Variants in SLC26A5 observed in about 807,000 individuals in gnomAD.
SLC26A5 encodes the protein prestin.
SLC26A5 carries 51 observed loss-of-function variants against 81.0 expected under a neutral mutation model. That is an observed-to-expected ratio of 0.63 (90% CI 0.50 to 0.80). The LOEUF is 0.80. Ranked by LOEUF, SLC26A5 falls within the 30% of genes least tolerant of loss-of-function variation. The pLI is 0.00. For missense variants in SLC26A5, 771 were observed against 905.8 expected (o/e 0.85, Z 1.91); for synonymous variants, 325 against 332.8 (o/e 0.98, Z 0.25).
intron 14 of SLC26A5, among the ~76,000 whole-genome samples, chr7:103,383,079 AT>A (rs1386726194): frequency 1.3e-5 from 2 of 152,236 alleles, no homozygotes; most frequent in Non-Finnish European, 2.9e-5. Context: ...CTCCAGGAAC[AT>A]CACTTCTGCC....
intron 4 of SLC26A5, among the ~76,000 whole-genome samples, chr7:103,417,894 A>G (rs7778385): frequency 0.33 from 49,529 of 151,938 alleles, 9,796 homozygotes; most frequent in African/African-American, 0.55. Context: ...GACTACAGGC[A>G]TGTGCCACTA....
At chr7:103,388,677 C>A in intron 14 of SLC26A5, 1 of 357,532 alleles carries the variant, frequency 2.8e-6, no homozygotes, top group Non-Finnish European at 5.5e-6. Context: ...GTACTTGGTG[C>A]CAAAACAAAT....
intron 13 of SLC26A5, 29 bp from the exon 14 acceptor site, chr7:103,389,143 G>A: frequency 6.6e-7 from 1 of 1,523,298 alleles, no homozygotes. Flanking sequence ...ACTTGATGGA[G>A]AACCATGTTA....
At chr7:103,410,306 A>G in intron 7 of SLC26A5, 79 bp downstream of exon 7, 1 of 1,242,150 alleles carries the variant, frequency 8.1e-7, no homozygotes, top group Non-Finnish European at 1.2e-6. Flanking sequence ...TGAGTCTTGA[A>G]AGTAAAAAGA....
intron 16 of SLC26A5, 87 bp from the exon 17 acceptor site, chr7:103,378,640 A>C: frequency 8.4e-7 from 1 of 1,183,960 alleles, no homozygotes; most frequent in African/African-American, 1.5e-5. Flanking sequence ...CTCCCCATTT[A>C]ACTGCTTTCT....
intron 19 of SLC26A5, among the ~76,000 whole-genome samples, chr7:103,365,580 G>C (rs1820673482): frequency 6.6e-6 from 1 of 152,298 alleles, no homozygotes; most frequent in East Asian, 1.9e-4. Context: ...ACTGAGCCAA[G>C]ATCGTGCCAT....
chr7:103,387,587 G>C (rs901461905), intron 14 of SLC26A5, among the ~76,000 whole-genome samples: 5 of 152,188 alleles, frequency 3.3e-5, no homozygotes, highest in Non-Finnish European at 1.5e-5. Context: ...TCATTTTATA[G>C]ATGCAGAAAC....
chr7:103,404,990 G>T (rs146358868), intron 8 of SLC26A5, among the ~76,000 whole-genome samples: 2,444 of 151,506 alleles, frequency 0.016, 61 homozygotes, highest in African/African-American at 0.057. Context: ...TTATACTTGT[G>T]TATGCTTCAT....
At chr7:103,438,757 A>G (rs1023779466) in intron 2 of SLC26A5, among the ~76,000 whole-genome samples, 5 of 152,206 alleles carry the variant, frequency 3.3e-5, no homozygotes, top group Non-Finnish European at 5.9e-5. Context: ...TTCATTATCT[A>G]GAAATTTCCC....
chr7:103,419,713 T>C (rs1051141270), intron 4 of SLC26A5, among the ~76,000 whole-genome samples: 1 of 152,062 alleles, frequency 6.6e-6, no homozygotes, highest in Non-Finnish European at 1.5e-5. Flanking sequence ...AATTTTTATA[T>C]TTTTTGTAGA....
chr7:103,412,553 GT>G (rs565602326), intron 5 of SLC26A5, among the ~76,000 whole-genome samples: 46 of 114,362 alleles, frequency 4.0e-4, no homozygotes, highest in Middle Eastern at 4.3e-3. Flanking sequence ...TTTTTTTTTT[GT>G]TTTTTTTTTT....
At chr7:103,371,469 C>A (rs1408469686), downstream of SLC26A5, among the ~76,000 whole-genome samples, 6 of 148,240 alleles carry the variant, frequency 4.0e-5, no homozygotes, top group Admixed American at 1.4e-4. Context: ...GGACTACAGG[C>A]GCCCGCCACT....
rs541460029 is a variant in SLC26A5, at chr7:103,391,907, T to C, written c.1120-172A>G. Among the ~76,000 whole-genome samples the C allele has an allele frequency of 2.0e-5, 3 of 152,362 alleles. No homozygotes were observed. In the South Asian group the frequency reaches 6.2e-4, roughly 32 times the overall value. On this transcript the variant is annotated intron_variant, in intron 10 of 19. Transcript: ENST00000306312. ...AAAATAGGAATTATGGCATATTTTA[T>C]AGTGAGAGGGGGGAACATTTTGAAT...
rs749215604 is a variant in SLC26A5, at chr7:103,367,671, A to AT, written c.2041+9136dup. On this transcript the variant is annotated intron_variant, in intron 19 of 19. Transcript: ENST00000339444. This position sits in a 1 kb window ranked among gnomAD's most constrained non-coding sequence, Gnocchi z 6.1. ...ATTTTTGAAGTTTTTTCTTCCTGTG[A>AT]TTTTTTTCCATTTTAATATTTGTCA... 5.0e-6 allele frequency: 8 copies of AT among 1,607,538 alleles called. No individual in the cohort carries two copies. Among genetic ancestry groups the AT allele is most frequent in the African/African-American group, 4.0e-5 (3 of 74,382 alleles).
chr7:103,413,554 C>T (rs1284036098), intron 4 of SLC26A5, among the ~76,000 whole-genome samples: 2 of 152,104 alleles, frequency 1.3e-5, no homozygotes, highest in Non-Finnish European at 2.9e-5. Flanking sequence ...GATATCCCTC[C>T]TCCGACTCTT....
chr7:103,427,338 A>G (rs1825775168), intron 2 of SLC26A5, among the ~76,000 whole-genome samples: 1 of 152,026 alleles, frequency 6.6e-6, no homozygotes, highest in African/African-American at 2.4e-5. Flanking sequence ...TTGGCCTCCC[A>G]AAGTGCTGGA....
intron 4 of SLC26A5, among the ~76,000 whole-genome samples, chr7:103,415,728 G>C (rs1332847123): frequency 1.3e-5 from 2 of 152,122 alleles, no homozygotes; most frequent in African/African-American, 4.8e-5. Flanking sequence ...TTTCTAGTCT[G>C]AGATCCTCTA....
At chr7:103,358,986 A>ATT (rs550195195) in intron 19 of SLC26A5, among the ~76,000 whole-genome samples, 2 of 143,120 alleles carry the variant, frequency 1.4e-5, no homozygotes, top group African/African-American at 2.6e-5. Context: ...TAGCTTGTGA[A>ATT]TTTTTTTTTT....
intron 5 of SLC26A5, among the ~76,000 whole-genome samples, chr7:103,412,608 G>A (rs1168862014): frequency 6.9e-6 from 1 of 145,112 alleles, no homozygotes; most frequent in Non-Finnish European, 1.5e-5. Context: ...GGAGTGCAGT[G>A]GTGTGATCTC....
Sources: gnomAD v4.1 joint callset for allele counts (sites outside exome capture counted in the v4.1 genomes callset) on GRCh38, gnomAD v4.1.1 for gene constraint, Gnocchi (gnomAD v3.1) non-coding constraint, MANE v1.5 for transcripts, NCBI Gene and HGNC (gene_info 2026-07-23, HGNC 2026-07-21) for gene names.